COL4A2: variants seen among roughly 807,000 people sequenced by gnomAD.
COL4A2 encodes collagen alpha-2(IV) chain.
In COL4A2, 99 loss-of-function variants were observed where a neutral mutation model predicts 200.2. The ratio of observed to expected loss-of-function variants is 0.49; its 90% CI spans 0.42 to 0.58. The LOEUF is 0.58. Ranked by LOEUF, COL4A2 falls within the 20% of genes least tolerant of loss-of-function variation. COL4A2 has a pLI of 0.00. For synonymous variants in COL4A2, 897 were observed against 900.6 expected (o/e 1.00, Z 0.07); for missense variants, 1,950 against 2,314.1 (o/e 0.84, Z 3.23).
At chr13:110,334,244 AG>A (rs1379368190) in intron 3 of COL4A2, among the ~76,000 whole-genome samples, 2 of 152,252 alleles carry the variant, frequency 1.3e-5, no homozygotes, top group African/African-American at 4.8e-5. Context: ...ACATTCAGAA[AG>A]GCTGACCCAG....
At chr13:110,468,598 C>G (rs1882344120) in intron 27 of COL4A2, among the ~76,000 whole-genome samples, 1 of 152,222 alleles carries the variant, frequency 6.6e-6, no homozygotes, top group African/African-American at 2.4e-5. Flanking sequence ...CCATCCGCTC[C>G]TCCCTCTCAC....
chr13:110,481,916 C>T (rs112137031), intron 31 of COL4A2, among the ~76,000 whole-genome samples: 9 of 49,968 alleles, frequency 1.8e-4, no homozygotes, highest in South Asian at 5.9e-4. Context: ...TGCTCTGTCC[C>T]TCCGTGCTGG....
chr13:110,466,125 A>G, intron 26 of COL4A2, 63 bp downstream of exon 26: 1 of 1,562,356 alleles, frequency 6.4e-7, no homozygotes, highest in African/African-American at 1.4e-5. Flanking sequence ...CTGCTGGTTA[A>G]GCTCTTGCAG....
At chr13:110,471,305 G>C (rs1264724761) in intron 28 of COL4A2, among the ~76,000 whole-genome samples, 2 of 152,218 alleles carry the variant, frequency 1.3e-5, no homozygotes, top group East Asian at 1.9e-4. Context: ...CACGTGAGTT[G>C]GGAGCCTGTT....
intron 4 of COL4A2, among the ~76,000 whole-genome samples, chr13:110,412,658 C>T (rs1363547759): frequency 6.6e-6 from 1 of 152,234 alleles, no homozygotes; most frequent in East Asian, 1.9e-4. Context: ...CCCTGAGTCA[C>T]AGTAGTTGCC....
At chr13:110,363,671 AG>A (rs752582024) in intron 4 of COL4A2, among the ~76,000 whole-genome samples, 108 of 152,320 alleles carry the variant, frequency 7.1e-4, no homozygotes, top group Non-Finnish European at 1.4e-3. Flanking sequence ...GCCATTGGCA[AG>A]ATATTCTCTC....
intron 3 of COL4A2, among the ~76,000 whole-genome samples, chr13:110,312,934 TAGAGGTCAGCAGTGAG>T (rs1885025078): frequency 6.6e-6 from 1 of 152,158 alleles, no homozygotes; most frequent in South Asian, 2.1e-4. Context: ...ATGAGTAAGT[TAGAGGTCAGCAGTGAG>T]GGCTGGCCTG....
At chr13:110,443,280 A>G (rs551699652) in intron 16 of COL4A2, among the ~76,000 whole-genome samples, 1 of 152,350 alleles carries the variant, frequency 6.6e-6, no homozygotes, top group South Asian at 2.1e-4. Context: ...CTGCAATGAA[A>G]AGGGTACAAC....
intron 34 of COL4A2, among the ~76,000 whole-genome samples, chr13:110,486,481 C>A (rs1161075712): frequency 2.0e-5 from 3 of 152,250 alleles, no homozygotes; most frequent in Non-Finnish European, 2.9e-5. Flanking sequence ...AATTCCATTT[C>A]TAGCCTCGTT....
chr13:110,449,032 G>A (rs2391830), intron 18 of COL4A2, among the ~76,000 whole-genome samples: 1 of 151,560 alleles, frequency 6.6e-6, no homozygotes, highest in Non-Finnish European at 1.5e-5. Flanking sequence ...CTTGCACGTG[G>A]GACTTCAGTG....
intron 3 of COL4A2, among the ~76,000 whole-genome samples, chr13:110,326,684 G>A (rs915422134): frequency 2.6e-5 from 4 of 152,146 alleles, no homozygotes; most frequent in African/African-American, 4.8e-5. Context: ...GCTGCCCCGC[G>A]CCTGTCTGGC....
rs779062064 is a variant in COL4A2, at chr13:110,466,071, G to T, written c.2038+9G>T. 76 of 1,613,282 alleles carry T rather than the reference G, an allele frequency of 4.7e-5. 1 individual carries two copies. The highest frequency in any genetic ancestry group is 2.0e-4 in the South Asian group (18 of 90,966). Reference sequence around the variant, plus strand: ...GGAGGCCATCCAGCCAGGTACTCTGGGAAGTGCAGGTGGCTTTAGGACACT... The same window carrying T: ...GGAGGCCATCCAGCCAGGTACTCTGTGAAGTGCAGGTGGCTTTAGGACACT... On this transcript the variant is annotated intron_variant, in intron 26 of 47. Transcript: ENST00000360467.
At position 110,512,356 on chromosome 13, in the gene COL4A2, G is replaced by A. The variant is rs1334464293; in HGVS notation, c.*165G>A. 8 of 1,229,376 alleles carry A rather than the reference G, an allele frequency of 6.5e-6. No individual in the cohort carries two copies. Among genetic ancestry groups the A allele is most frequent in the Admixed American group, 2.9e-5 (1 of 34,502 alleles). The allele number at this position is 1,229,376 out of a possible 1,614,324, so 76.2% of individuals were successfully genotyped here. On this transcript the variant is annotated 3_prime_UTR_variant, in exon 48 of 48. Coordinates refer to ENST00000360467, the MANE Select transcript of COL4A2 (RefSeq NM_001846.4). The stretch of plus-strand genomic sequence containing the variant: ...GACCTGCCAGCCACTGTCACCGAGC[G>A]GGTGCAAGCACTCGGGGTCCCTGGA...
At chr13:110,442,067 G>A (rs1881145931) in intron 16 of COL4A2, among the ~76,000 whole-genome samples, 1 of 119,268 alleles carries the variant, frequency 8.4e-6, no homozygotes, top group Non-Finnish European at 1.6e-5. Context: ...GCCTGGGAGA[G>A]ACAGTGAGAC....
At chr13:110,330,397 G>A (rs978451938) in intron 3 of COL4A2, among the ~76,000 whole-genome samples, 7 of 152,130 alleles carry the variant, frequency 4.6e-5, no homozygotes, top group African/African-American at 1.4e-4. Flanking sequence ...TGGGAGGCGC[G>A]GGGTGGAGGC....
chr13:110,369,211 G>GTAAATAAA (rs71127935), intron 4 of COL4A2, among the ~76,000 whole-genome samples: 174 of 150,442 alleles, frequency 1.2e-3, no homozygotes, highest in South Asian at 4.7e-3. Context: ...CTCTGTCTCA[G>GTAAATAAA]TAAATAAATA....
chr13:110,388,303 G>C (rs376825771), intron 4 of COL4A2, among the ~76,000 whole-genome samples: 1 of 152,352 alleles, frequency 6.6e-6, no homozygotes, highest in Non-Finnish European at 1.5e-5. Flanking sequence ...GAGGCACTGG[G>C]AGCACGCTGG....
At chr13:110,387,706 C>T (rs1481308047) in intron 4 of COL4A2, among the ~76,000 whole-genome samples, 1 of 152,232 alleles carries the variant, frequency 6.6e-6, no homozygotes, top group Non-Finnish European at 1.5e-5. Context: ...GACTCGGAGG[C>T]AGGCAATGGG....
Position 110,467,157 on chromosome 13 carries a change from T to C in COL4A2, c.2095+61T>C, listed in dbSNP as rs549233504. ...TTCCTCCCACATCTTCACACTGCTG[T>C]GTCTCCCCCGCCCATCTTTCCTCTG... is the stretch of plus-strand genomic sequence containing the variant. On this transcript the variant is annotated intron_variant, in intron 27 of 47. Transcript: ENST00000360467. 3.4e-4 allele frequency: 542 copies of C among 1,601,872 alleles called. 3 individuals carry two copies. Among genetic ancestry groups the C allele is most frequent in the South Asian group, 1.3e-3 (116 of 90,216 alleles).
Sources: gnomAD v4.1 joint callset for allele counts (sites outside exome capture counted in the v4.1 genomes callset) on GRCh38, gnomAD v4.1.1 for gene constraint, MANE v1.5 for transcripts, NCBI Gene and HGNC (gene_info 2026-07-23, HGNC 2026-07-21) for gene names.